The following PRDM5 variants were observed in gnomAD, a reference collection of about 807,000 sequenced individuals.
The protein encoded by PRDM5 is PR/SET domain 5.
Under a neutral mutation model 81.2 loss-of-function variants are expected in PRDM5, and 56 were observed. The observed-to-expected ratio is 0.69, with a 90% confidence interval of 0.56 to 0.86. PRDM5 has a LOEUF of 0.86. Ranked by LOEUF, PRDM5 falls within the 40% of genes least tolerant of loss-of-function variation. PRDM5 has a pLI of 0.00. For synonymous variants in PRDM5, 267 were observed against 256.4 expected (o/e 1.04, Z -0.39); for missense variants, 697 against 770.1 (o/e 0.91, Z 1.12).
At chr4:120,722,832 A>G (rs535234985) in intron 14 of PRDM5, among the ~76,000 whole-genome samples, 44 of 152,244 alleles carry the variant, frequency 2.9e-4, no homozygotes, top group Admixed American at 1.3e-3. Context: ...ACATAAGGAG[A>G]GGCTGCTGGA....
chr4:120,759,326 G>A (rs1213937228), intron 13 of PRDM5, among the ~76,000 whole-genome samples: 1 of 152,174 alleles, frequency 6.6e-6, no homozygotes, highest in Non-Finnish European at 1.5e-5. Flanking sequence ...ACTATAATGT[G>A]TAGTTTGCAA....
chr4:120,710,728 C>T (rs1356633788), intron 14 of PRDM5, among the ~76,000 whole-genome samples: 2 of 152,146 alleles, frequency 1.3e-5, no homozygotes, highest in Non-Finnish European at 2.9e-5. Flanking sequence ...TTGCTCCATG[C>T]TTCTCTCTCC....
chr4:120,854,022 G>A lies in PRDM5; in HGVS notation c.178-482C>T, dbSNP rs993867343. ...AGGAGAACCTGCTCATCTAGCCAGC[G>A]GGAATCTGACATCCAATGAAACAAA... On this transcript the variant is annotated intron_variant, in intron 2 of 15. Coordinates refer to ENST00000264808, the MANE Select transcript of PRDM5 (RefSeq NM_018699.4). Among the ~76,000 whole-genome samples the A allele has an allele frequency of 9.2e-5, 14 of 152,260 alleles. 1 individual carries two copies. Among genetic ancestry groups the A allele is most frequent in the African/African-American group, 2.6e-4 (11 of 41,552 alleles).
In PRDM5 at chr4:120,783,173, T is replaced by C. The variant is rs75957404; in HGVS notation, c.1282+1825A>G. On this transcript the variant is annotated intron_variant, in intron 11 of 15. Coordinates refer to ENST00000264808, the MANE Select transcript of PRDM5 (RefSeq NM_018699.4). ...AAATAAATGGGTTTTAATTTTCATA[T>C]TGCATAAGACGTAGTATTTTGTCCT... Among the ~76,000 whole-genome samples, 553 of 152,262 alleles carry C rather than the reference T, an allele frequency of 3.6e-3. 3 individuals carry two copies. The highest frequency in any genetic ancestry group is 0.013 in the African/African-American group (530 of 41,590).
chr4:120,693,122 T>C lies in PRDM5; in HGVS notation c.*1989A>G, dbSNP rs185578836. On this transcript the variant is annotated 3_prime_UTR_variant, in exon 16 of 16. Transcript: ENST00000264808. ...AAGCCCAGCACCTCTTGCCTGTCTGTTTACTCCACAGCATAGCGACACCAC... is the reference window on the plus strand; with the variant it reads ...AAGCCCAGCACCTCTTGCCTGTCTGCTTACTCCACAGCATAGCGACACCAC... 26 of 152,172 alleles carry C rather than the reference T, an allele frequency of 1.7e-4. No homozygotes were observed. In the East Asian group the frequency reaches 5.0e-3, roughly 29 times the overall value. The allele number at this position is 152,172 out of a possible 1,614,324, so 9.4% of individuals were successfully genotyped here.
In PRDM5 at chr4:120,851,705, G is replaced by A. The variant is rs75612229; in HGVS notation, c.300+1713C>T. ...TTAGATGACATTAGGAAATTAAGTA[G>A]TCTAGATGACTGTTTGCTAGTTACT... On this transcript the variant is annotated intron_variant, in intron 3 of 15. Transcript: ENST00000264808. Among the ~76,000 whole-genome samples the A allele has an allele frequency of 3.8e-3, 571 of 152,222 alleles. 3 individuals carry two copies. The highest frequency in any genetic ancestry group is 0.013 in the African/African-American group (550 of 41,546).
intron 2 of PRDM5, among the ~76,000 whole-genome samples, chr4:120,870,569 T>C (rs1314725836): frequency 6.6e-6 from 1 of 151,458 alleles, no homozygotes; most frequent in Non-Finnish European, 1.5e-5. Context: ...CCAGGAAAAA[T>C]AATGAGTGAG....
downstream of PRDM5, among the ~76,000 whole-genome samples, chr4:120,691,287 A>T (rs1424535063): frequency 6.6e-6 from 1 of 152,158 alleles, no homozygotes; most frequent in Non-Finnish European, 1.5e-5. Flanking sequence ...GTCATACAAC[A>T]AATTAACAAT....
At chr4:120,711,464 A>ATT (rs5861485) in intron 14 of PRDM5, among the ~76,000 whole-genome samples, 1 of 134,364 alleles carries the variant, frequency 7.4e-6, no homozygotes, top group Non-Finnish European at 1.6e-5. Flanking sequence ...ATACCCAGCT[A>ATT]TTTTTTTTTT....
intron 10 of PRDM5, among the ~76,000 whole-genome samples, chr4:120,793,013 G>A (rs149314045): frequency 4.7e-4 from 72 of 152,266 alleles, no homozygotes; most frequent in African/African-American, 1.6e-3. Flanking sequence ...TACTACAGCA[G>A]GGGGTCCCCA....
chr4:120,754,000 G>T (rs1744364645), intron 14 of PRDM5, among the ~76,000 whole-genome samples: 1 of 152,166 alleles, frequency 6.6e-6, no homozygotes, highest in Admixed American at 6.5e-5. Context: ...AATGACAATA[G>T]TCCAGTGAGA....
chr4:120,872,655 G>C (rs1247302044), intron 2 of PRDM5, among the ~76,000 whole-genome samples: 1 of 152,174 alleles, frequency 6.6e-6, no homozygotes, highest in African/African-American at 2.4e-5. Flanking sequence ...TTGGGAGACT[G>C]AGCTGGGAGG....
intron 8 of PRDM5, among the ~76,000 whole-genome samples, chr4:120,800,504 G>A (rs996981697): frequency 3.0e-5 from 4 of 134,690 alleles, no homozygotes; most frequent in African/African-American, 1.2e-4. Context: ...GTGACAGAGT[G>A]AGACTCGGTC....
In PRDM5 at chr4:120,816,849, G is replaced by T; in HGVS notation, c.726C>A (p.Ser242=). Reference sequence around the variant, plus strand: ...CACAAAACCTCGATGCTGAACTGAAGGAAGAATTGCAAACAGAGCACTGAA... The same window carrying T: ...CACAAAACCTCGATGCTGAACTGAATGAAGAATTGCAAACAGAGCACTGAA... ...RSFQCSVCNS[S]FSSASSFEQH... Residue 242 remains serine (S), a synonymous_variant, in exon 6 of 16, where the codon TCC becomes TCA. Transcript: ENST00000264808. 6.2e-7 allele frequency: 1 copy of T among 1,613,830 alleles called. No individual in the cohort carries two copies. The highest frequency in any genetic ancestry group is 8.5e-7 in the Non-Finnish European group (1 of 1,179,718).
In PRDM5 at chr4:120,922,626, C is replaced by T; in HGVS notation, c.-18G>A. ...CCCAGCATTTTCCCGGGCGCGGCGG[C>T]CGCCGCCTCTCTCAACACCGGCGCT... On this transcript the variant is annotated 5_prime_UTR_variant, in exon 1 of 16. Coordinates refer to ENST00000264808, the MANE Select transcript of PRDM5 (RefSeq NM_018699.4). 2.5e-6 allele frequency: 4 copies of T among 1,570,590 alleles called. No individual in the cohort carries two copies. The highest frequency in any genetic ancestry group is 3.4e-6 in the Non-Finnish European group (4 of 1,160,234).
chr4:120,802,777 GA>G (rs1413391185), intron 8 of PRDM5, among the ~76,000 whole-genome samples: 8 of 152,170 alleles, frequency 5.3e-5, no homozygotes, highest in Non-Finnish European at 1.0e-4. Context: ...CAGAAAAGCT[GA>G]AAATTTTAAA....
rs755802156 is a variant in PRDM5, at chr4:120,710,387, G to A, written c.1650C>T (p.Cys550=). Residue 550 remains cysteine (C), a synonymous_variant, in exon 15 of 16, where the codon TGC becomes TGT. Transcript: ENST00000264808. The part of the protein sequence containing the change: ...TREKPYKCSE[C]SKAFSQKRGL... ...CTCGCTTCTGGCTGAAGGCCTTGCT[G>A]CACTCTGAGCACTTGTACGGCTTCT... is the stretch of plus-strand genomic sequence containing the variant. 1.2e-6 allele frequency: 2 copies of A among 1,614,076 alleles called. No homozygotes were observed. Among genetic ancestry groups the A allele is most frequent in the Non-Finnish European group, 1.7e-6 (2 of 1,180,030 alleles).
intron 10 of PRDM5, among the ~76,000 whole-genome samples, chr4:120,786,628 T>C (rs1749800172): frequency 6.6e-6 from 1 of 152,194 alleles, no homozygotes; most frequent in African/African-American, 2.4e-5. Context: ...AGAATAACAC[T>C]TTAAATGTAC....
At chr4:120,806,846 A>C (rs1175514259) in intron 8 of PRDM5, among the ~76,000 whole-genome samples, 1 of 152,218 alleles carries the variant, frequency 6.6e-6, no homozygotes, top group Non-Finnish European at 1.5e-5. Flanking sequence ...AAAATTGACA[A>C]ATGGGATCTA....
Sources: allele counts gnomAD v4.1 joint callset (sites outside exome capture counted in the v4.1 genomes callset), GRCh38; gene constraint gnomAD v4.1.1; transcripts MANE v1.5; gene names NCBI Gene and HGNC (gene_info 2026-07-23, HGNC 2026-07-21).